LRRN2: variants seen among roughly 807,000 people sequenced by gnomAD.
The protein encoded by LRRN2 is leucine rich repeat neuronal 2, also known as leucine-rich repeat neuronal protein 2.
In LRRN2, 10 loss-of-function variants were observed where a neutral mutation model predicts 35.7. The ratio of observed to expected loss-of-function variants is 0.28; its 90% CI spans 0.17 to 0.47. LRRN2 has a LOEUF of 0.47. Among genes scored for constraint, LRRN2 ranks in the 20% least tolerant of loss-of-function variants. The pLI, the probability that LRRN2 is intolerant of heterozygous loss-of-function variation, is 0.99. For synonymous variants in LRRN2, 391 were observed against 409.6 expected, an observed-to-expected ratio of 0.95 and a Z score of 0.55; for missense variants, 731 against 940.3, an observed-to-expected ratio of 0.78 and a Z score of 2.91.
chr1:204,679,990 G>A (rs1293938609), intron 1 of LRRN2, among the ~76,000 whole-genome samples: 1 of 152,220 alleles, frequency 6.6e-6, no homozygotes, highest in Non-Finnish European at 1.5e-5. Context: ...AGGGAAGGAG[G>A]AGAATGGGCT....
chr1:204,635,600 C>T (rs191309863), intron 1 of LRRN2, among the ~76,000 whole-genome samples: 122 of 152,316 alleles, frequency 8.0e-4, no homozygotes, highest in African/African-American at 2.8e-3. Flanking sequence ...CACGAGATGG[C>T]TGGTATCCCA....
intron 1 of LRRN2, among the ~76,000 whole-genome samples, chr1:204,647,432 C>T (rs1668130981): frequency 6.6e-6 from 1 of 152,122 alleles, no homozygotes; most frequent in Non-Finnish European, 1.5e-5. Context: ...TGCCATTCAA[C>T]AGGGCCAAAA....
At chr1:204,646,415 G>C (rs1668109019) in intron 1 of LRRN2, among the ~76,000 whole-genome samples, 1 of 152,122 alleles carries the variant, frequency 6.6e-6, no homozygotes, top group Non-Finnish European at 1.5e-5. Context: ...GGGGAAACAG[G>C]GATAGTAGGC....
intron 1 of LRRN2, chr1:204,629,187 C>G (rs1001944827): frequency 6.6e-6 from 1 of 152,322 alleles, no homozygotes; most frequent in Non-Finnish European, 1.5e-5. Flanking sequence ...GTGATAGTCT[C>G]TCCTGTCCCA....
intron 1 of LRRN2, among the ~76,000 whole-genome samples, chr1:204,670,774 TC>T (rs551971347): frequency 6.9e-4 from 105 of 151,794 alleles, no homozygotes; most frequent in African/African-American, 2.5e-3. Context: ...TAAAAAATGT[TC>T]CCTGGCTTTA....
At chr1:204,629,333 C>G (rs145212408) in intron 1 of LRRN2, 1 of 152,364 alleles carries the variant, frequency 6.6e-6, no homozygotes, top group East Asian at 1.9e-4. Flanking sequence ...GCTCTACCAC[C>G]AACTCAAAAT....
chr1:204,625,364 G>T (rs1223235330), intron 1 of LRRN2, among the ~76,000 whole-genome samples: 1 of 152,118 alleles, frequency 6.6e-6, no homozygotes, highest in Non-Finnish European at 1.5e-5. Flanking sequence ...CCATACATTG[G>T]ATTGGAGCAA....
intron 1 of LRRN2, among the ~76,000 whole-genome samples, chr1:204,636,802 C>T (rs1408879698): frequency 6.6e-6 from 1 of 152,160 alleles, no homozygotes; most frequent in Non-Finnish European, 1.5e-5. Context: ...ATGCCTACCT[C>T]CCACTCTAGA....
chr1:204,680,304 T>TA (rs1668919638), intron 1 of LRRN2, among the ~76,000 whole-genome samples: 1 of 152,208 alleles, frequency 6.6e-6, no homozygotes, highest in Non-Finnish European at 1.5e-5. Context: ...TTAGTGTTGT[T>TA]ACCACGTGAG....
At chr1:204,646,097 G>A (rs1668099419) in intron 1 of LRRN2, among the ~76,000 whole-genome samples, 1 of 152,112 alleles carries the variant, frequency 6.6e-6, no homozygotes, top group African/African-American at 2.4e-5. Context: ...AAAATGGGAG[G>A]GGGACCGGAG....
At chr1:204,681,513 A>G (rs891651484) in intron 1 of LRRN2, among the ~76,000 whole-genome samples, 8 of 152,346 alleles carry the variant, frequency 5.3e-5, no homozygotes, top group Middle Eastern at 3.4e-3. Context: ...GACCTGCTCA[A>G]TGTCACCCAG....
rs3795565 is a variant in LRRN2, at chr1:204,661,794, G to A, written c.-227+23526C>T. On this transcript the variant is annotated intron_variant, in intron 1 of 1. Coordinates refer to ENST00000367177, the MANE Select transcript of LRRN2 (RefSeq NM_201630.2). ...AAAGTACGGTGAGGACAGCAAAAGC[G>A]GTAGCAGGAAACGAGGGGCTGCTCT... Among the ~76,000 whole-genome samples the A allele has an allele frequency of 9.4e-3, 1,436 of 152,246 alleles. 23 individuals carry two copies. Among genetic ancestry groups the A allele is most frequent in the South Asian group, 0.035 (167 of 4,826 alleles).
At chr1:204,643,553 G>A (rs761796381) in intron 1 of LRRN2, among the ~76,000 whole-genome samples, 3 of 152,060 alleles carry the variant, frequency 2.0e-5, no homozygotes, top group Admixed American at 6.5e-5. Flanking sequence ...AAGAGGGGGC[G>A]AGGATGAGGT....
chr1:204,650,906 C>T (rs1264966928), intron 1 of LRRN2, among the ~76,000 whole-genome samples: 1 of 152,178 alleles, frequency 6.6e-6, no homozygotes, highest in Non-Finnish European at 1.5e-5. Context: ...GATGGGGCTC[C>T]AAAGACTCCC....
At chr1:204,671,641 G>GAAAA (rs1668714506) in intron 1 of LRRN2, among the ~76,000 whole-genome samples, 1 of 30,362 alleles carries the variant, frequency 3.3e-5, no homozygotes, top group African/African-American at 8.3e-5. Context: ...GTAATTGATG[G>GAAAA]TAAAAAAAAA....
rs1666521044 is a variant in LRRN2, at chr1:204,618,275, G to A, written c.1718C>T (p.Ala573Val). 6.2e-7 allele frequency: 1 copy of A among 1,607,122 alleles called. No individual in the cohort carries two copies. Among genetic ancestry groups the A allele is most frequent in the Non-Finnish European group, 8.5e-7 (1 of 1,176,198 alleles). ...GCTGTGGGTTCCCCGAGGCAGGCGG[G>A]CCAGAGCTGTGGCCCCCTGGCCCCG... ...SLRGQGATALARLPRGTHSYN... is the reference protein window; with the variant it reads ...SLRGQGATALVRLPRGTHSYN... The change falls in exon 2 of 2, where the codon GCC (alanine) becomes GTC (valine). Residue 573 changes from alanine (A) to valine (V), a missense_variant. Coordinates refer to ENST00000367177, the MANE Select transcript of LRRN2 (RefSeq NM_201630.2).
chr1:204,664,842 C>T (rs1668544636), intron 1 of LRRN2, among the ~76,000 whole-genome samples: 3 of 152,154 alleles, frequency 2.0e-5, no homozygotes, highest in East Asian at 3.9e-4. Context: ...AGTCCTCTGC[C>T]GTCCGGCAGG....
intron 1 of LRRN2, among the ~76,000 whole-genome samples, chr1:204,644,827 C>G (rs563479439): frequency 5.8e-4 from 88 of 152,314 alleles, no homozygotes; most frequent in Middle Eastern, 3.4e-3. Flanking sequence ...GTTCCCAGGG[C>G]TAGCAGTGGG....
intron 1 of LRRN2, among the ~76,000 whole-genome samples, chr1:204,653,299 A>G (rs572185646): frequency 1.3e-5 from 2 of 152,324 alleles, no homozygotes; most frequent in East Asian, 1.9e-4. Context: ...AAGTTTCTCT[A>G]GGAGTTGGCT....
Sources: allele counts gnomAD v4.1 joint callset (sites outside exome capture counted in the v4.1 genomes callset), GRCh38; gene constraint gnomAD v4.1.1; transcripts MANE v1.5; gene names NCBI Gene and HGNC (gene_info 2026-07-23, HGNC 2026-07-21).